IRF2: variants seen among roughly 807,000 people sequenced by gnomAD.
The protein encoded by IRF2 is interferon regulatory factor 2.
In IRF2, 15 loss-of-function variants were observed where a neutral mutation model predicts 40.6. The observed-to-expected ratio is 0.37, with a 90% CI of 0.25 to 0.57. IRF2 has a LOEUF of 0.57. Among genes scored for constraint, IRF2 ranks in the 20% least tolerant of loss-of-function variants. IRF2 has a pLI of 0.77. For synonymous variants in IRF2, 151 were observed against 165.5 expected (o/e 0.91, Z 0.67); for missense variants, 317 against 455.7 (o/e 0.70, Z 2.77).
intron 1 of IRF2, among the ~76,000 whole-genome samples, chr4:184,441,151 T>C (rs1334720730): frequency 6.6e-6 from 1 of 152,206 alleles, no homozygotes; most frequent in Non-Finnish European, 1.5e-5. Context: ...ACTGGTTCAT[T>C]GTGATGTGCT....
intron 6 of IRF2, among the ~76,000 whole-genome samples, chr4:184,400,431 G>A (rs1736626252): frequency 6.6e-6 from 1 of 152,104 alleles, no homozygotes; most frequent in Non-Finnish European, 1.5e-5. Context: ...GTATTCCACG[G>A]TATAGGTGTA....
At chr4:184,452,077 T>G (rs1738732722) in intron 1 of IRF2, among the ~76,000 whole-genome samples, 1 of 152,050 alleles carries the variant, frequency 6.6e-6, no homozygotes, top group African/African-American at 2.4e-5. Flanking sequence ...CTACACAATC[T>G]CTGTAAAACC....
chr4:184,445,882 G>A (rs1738489697), intron 1 of IRF2, among the ~76,000 whole-genome samples: 1 of 152,110 alleles, frequency 6.6e-6, no homozygotes, highest in African/African-American at 2.4e-5. Context: ...TTCTGCATAT[G>A]GAGTCTGTGC....
chr4:184,438,433 T>C (rs944727498), intron 1 of IRF2, among the ~76,000 whole-genome samples: 2 of 152,188 alleles, frequency 1.3e-5, no homozygotes, highest in African/African-American at 4.8e-5. Flanking sequence ...CCGAACAAAG[T>C]GAGGTAAGCA....
chr4:184,396,339 C>A (rs949973745), intron 7 of IRF2, among the ~76,000 whole-genome samples: 6 of 152,068 alleles, frequency 3.9e-5, no homozygotes. Flanking sequence ...TTGGCATCAA[C>A]GGCTCATGGG....
chr4:184,409,884 G>A (rs562707309), intron 5 of IRF2, among the ~76,000 whole-genome samples: 29 of 150,872 alleles, frequency 1.9e-4, no homozygotes, highest in African/African-American at 5.8e-4. Context: ...GTGACAGAGC[G>A]AGAGCCTGAT....
At chr4:184,454,771 G>A (rs1383798392) in intron 1 of IRF2, among the ~76,000 whole-genome samples, 3 of 152,106 alleles carry the variant, frequency 2.0e-5, no homozygotes, top group Non-Finnish European at 4.4e-5. Flanking sequence ...CTTCAACTTC[G>A]CCAAGCCATA....
At chr4:184,455,557 C>T (rs1341943958) in intron 1 of IRF2, among the ~76,000 whole-genome samples, 2 of 151,634 alleles carry the variant, frequency 1.3e-5, no homozygotes, top group African/African-American at 4.9e-5. Flanking sequence ...CCCAAAATAC[C>T]GAGCACAGTA....
rs139829573 is a variant in IRF2, at chr4:184,389,444, T to C, written c.742-378A>G. ...AAACAACAACCCACAAAAAAAATTTTAAAATGAAAAATGTGTCGTTCCCAT... is the reference window on the plus strand; with the variant it reads ...AAACAACAACCCACAAAAAAAATTTCAAAATGAAAAATGTGTCGTTCCCAT... On this transcript the variant is annotated intron_variant, in intron 8 of 8. Coordinates refer to ENST00000393593, the MANE Select transcript of IRF2 (RefSeq NM_002199.4). Among the ~76,000 whole-genome samples the C allele has an allele frequency of 1.9e-3, 286 of 152,248 alleles. 1 individual carries two copies. The highest frequency in any genetic ancestry group is 6.7e-3 in the African/African-American group (277 of 41,544).
intron 2 of IRF2, among the ~76,000 whole-genome samples, chr4:184,421,155 C>T (rs1737468408): frequency 6.6e-6 from 1 of 152,182 alleles, no homozygotes; most frequent in Admixed American, 6.5e-5. Context: ...CATAGTGAAA[C>T]ACAGAAAGGG....
intron 7 of IRF2, among the ~76,000 whole-genome samples, chr4:184,391,499 G>A (rs977974151): frequency 2.0e-5 from 3 of 152,298 alleles, no homozygotes; most frequent in Middle Eastern, 6.8e-3. Context: ...AAAGAACTAA[G>A]GACTGCTTCC....
chr4:184,432,247 G>A (rs973215044), intron 1 of IRF2, among the ~76,000 whole-genome samples: 2 of 152,210 alleles, frequency 1.3e-5, no homozygotes, highest in African/African-American at 2.4e-5. Flanking sequence ...GGTCACTCGG[G>A]GACATGTGCT....
chr4:184,441,031 A>C (rs116196360), intron 1 of IRF2, among the ~76,000 whole-genome samples: 5,823 of 152,326 alleles, frequency 0.038, 140 homozygotes, highest in Middle Eastern at 0.065. Flanking sequence ...TCTTTTCCAC[A>C]ATACTTGGCC....
At chr4:184,460,667 A>G (rs1318985) in intron 1 of IRF2, among the ~76,000 whole-genome samples, 47,318 of 146,172 alleles carry the variant, frequency 0.32, 8,951 homozygotes, top group East Asian at 0.49. Context: ...ATGCACGCGC[A>G]CACACACACA....
chr4:184,431,570 A>G (rs111238353), intron 1 of IRF2, among the ~76,000 whole-genome samples: 1,550 of 151,556 alleles, frequency 0.01, 36 homozygotes, highest in African/African-American at 0.035. Flanking sequence ...AGACCTCAAG[A>G]CACAGATTGG....
At chr4:184,397,880 T>C (rs1025685258) in intron 7 of IRF2, among the ~76,000 whole-genome samples, 1 of 152,176 alleles carries the variant, frequency 6.6e-6, no homozygotes, top group Non-Finnish European at 1.5e-5. Flanking sequence ...GATGAAGTAA[T>C]GTTGGCGAAC....
chr4:184,423,378 G>T (rs1331888791), intron 2 of IRF2, among the ~76,000 whole-genome samples: 1 of 152,186 alleles, frequency 6.6e-6, no homozygotes. Context: ...ATTATTTTGA[G>T]CAATGTAGAA....
intron 1 of IRF2, among the ~76,000 whole-genome samples, chr4:184,436,189 A>G (rs1228183687): frequency 6.6e-6 from 1 of 152,108 alleles, no homozygotes; most frequent in African/African-American, 2.4e-5. Context: ...GTTGGCCAGG[A>G]TGATCTCAAT....
intron 1 of IRF2, among the ~76,000 whole-genome samples, chr4:184,463,249 A>T (rs1161717291): frequency 1.3e-5 from 2 of 152,208 alleles, no homozygotes; most frequent in African/African-American, 4.8e-5. Flanking sequence ...TAACCACTCC[A>T]ACTCTACTTT....
Sources: allele counts gnomAD v4.1 joint callset (sites outside exome capture counted in the v4.1 genomes callset), GRCh38; gene constraint gnomAD v4.1.1; transcripts MANE v1.5; gene names NCBI Gene and HGNC (gene_info 2026-07-23, HGNC 2026-07-21).